The following INTS15 variants were observed in gnomAD, a reference collection of about 807,000 sequenced individuals.
INTS15 encodes uncharacterized protein C7orf26.
the INTS15 span, chr7:6,590,126 C>G: frequency 3.8e-6 from 2 of 531,838 alleles, no homozygotes; most frequent in Non-Finnish European, 5.7e-6. Context: ...CGATGGCCCC[C>G]TGAGCAGGCA....
the INTS15 span, among the ~76,000 whole-genome samples, chr7:6,592,274 TA>T: frequency 4.6e-5 from 7 of 151,888 alleles, no homozygotes; most frequent in African/African-American, 7.2e-5. Context: ...TTGTTTAAAT[TA>T]TTTTTTTTGG....
chr7:6,607,131 G>T, the INTS15 span, among the ~76,000 whole-genome samples: 1 of 151,964 alleles, frequency 6.6e-6, no homozygotes, highest in Non-Finnish European at 1.5e-5. This position sits in a 1 kb window ranked among gnomAD's most constrained non-coding sequence, Gnocchi z 6.0. Flanking sequence ...GGGGTTGGGG[G>T]ATCATCCTGG....
At chr7:6,590,958 C>T in the INTS15 span, among the ~76,000 whole-genome samples, 1 of 151,726 alleles carries the variant, frequency 6.6e-6, no homozygotes, top group Non-Finnish European at 1.5e-5. Context: ...CCCGCCTCAT[C>T]CTTCTGAGTA....
chr7:6,608,511 T>G, the INTS15 span: 1 of 1,163,832 alleles, frequency 8.6e-7, no homozygotes, highest in East Asian at 6.1e-5. Flanking sequence ...TCTGGCCTCT[T>G]TCCTCGTGAA....
At chr7:6,593,285 T>C in the INTS15 span, among the ~76,000 whole-genome samples, 1 of 151,844 alleles carries the variant, frequency 6.6e-6, no homozygotes, top group Non-Finnish European at 1.5e-5. Context: ...AGTGAAATTT[T>C]GTTAACAAAA....
At chr7:6,604,517 A>G in the INTS15 span, among the ~76,000 whole-genome samples, 3 of 152,104 alleles carry the variant, frequency 2.0e-5, no homozygotes, top group African/African-American at 7.2e-5. Flanking sequence ...GAGCCCTCAC[A>G]CTGGTCTTTA....
chr7:6,598,735 T>TTTTGTGTG, the INTS15 span, among the ~76,000 whole-genome samples: 8 of 83,618 alleles, frequency 9.6e-5, no homozygotes, highest in African/African-American at 3.6e-4. Flanking sequence ...GCTGTATGCT[T>TTTTGTGTG]TGTGTGTGTG....
At chr7:6,595,053 A>G in the INTS15 span, among the ~76,000 whole-genome samples, 1 of 145,252 alleles carries the variant, frequency 6.9e-6, no homozygotes, top group East Asian at 2.1e-4. Context: ...ATTTTTTGAG[A>G]CAGGGTTTCA....
the INTS15 span, among the ~76,000 whole-genome samples, chr7:6,595,679 A>AT: frequency 1.3e-5 from 2 of 151,732 alleles, no homozygotes; most frequent in African/African-American, 4.8e-5. Flanking sequence ...ACTTTCTTTA[A>AT]TTTTTTTTAC....
chr7:6,603,381 CTACTAAAAA>C, the INTS15 span, among the ~76,000 whole-genome samples: 2 of 152,124 alleles, frequency 1.3e-5, no homozygotes, highest in South Asian at 4.2e-4. Flanking sequence ...AACCCCATCT[CTACTAAAAA>C]TACAAAATTA....
chr7:6,595,395 C>T, the INTS15 span, among the ~76,000 whole-genome samples: 3 of 152,270 alleles, frequency 2.0e-5, no homozygotes, highest in African/African-American at 7.2e-5. Context: ...AACTCCTGGA[C>T]TCAAGCAGTC....
chr7:6,596,893 C>G, the INTS15 span, among the ~76,000 whole-genome samples: 1 of 151,974 alleles, frequency 6.6e-6, no homozygotes, highest in Non-Finnish European at 1.5e-5. Context: ...AAGCGATTCT[C>G]CTGCCTCAGC....
chr7:6,602,081 T>C, the INTS15 span: 1 of 1,610,802 alleles, frequency 6.2e-7, no homozygotes, highest in Non-Finnish European at 8.5e-7. Context: ...TTCATTAATC[T>C]TGTATCTCCT....
At chr7:6,591,152 A>G in the INTS15 span, among the ~76,000 whole-genome samples, 1 of 151,970 alleles carries the variant, frequency 6.6e-6, no homozygotes, top group African/African-American at 2.4e-5. Context: ...ACTTTTTTCT[A>G]AGATCAACAG....
At chr7:6,600,088 C>T in the INTS15 span, 3 of 1,614,236 alleles carry the variant, frequency 1.9e-6, no homozygotes, top group East Asian at 6.7e-5. Context: ...TGGGGATGGA[C>T]AGAGACTCCC....
chr7:6,596,942 C>T, the INTS15 span, among the ~76,000 whole-genome samples: 40 of 151,740 alleles, frequency 2.6e-4, no homozygotes, highest in Middle Eastern at 6.9e-3. Flanking sequence ...CCACACCCGG[C>T]TAATTTTTTG....
chr7:6,602,644 T>TA, the INTS15 span: 1 of 470,662 alleles, frequency 2.1e-6, no homozygotes, highest in Admixed American at 2.3e-5. Flanking sequence ...ATGGGGGTGA[T>TA]ACTGTTCCCT....
chr7:6,597,625 A>T, the INTS15 span, among the ~76,000 whole-genome samples: 2 of 152,242 alleles, frequency 1.3e-5, no homozygotes, highest in African/African-American at 4.8e-5. Flanking sequence ...ATTCCAGGCC[A>T]ACAAAAACAG....
At chr7:6,598,468 CAAAA>C in the INTS15 span, among the ~76,000 whole-genome samples, 2 of 121,218 alleles carry the variant, frequency 1.6e-5, no homozygotes, top group African/African-American at 6.3e-5. Flanking sequence ...GACTCCATCT[CAAAA>C]AAAAAAAAAA....
Sources: gnomAD v4.1 joint callset for allele counts (sites outside exome capture counted in the v4.1 genomes callset) on GRCh38, gnomAD v4.1.1 for gene constraint, Gnocchi (gnomAD v3.1) non-coding constraint, MANE v1.5 for transcripts, NCBI Gene and HGNC (gene_info 2026-07-23, HGNC 2026-07-21) for gene names.